MYO16: variants seen among roughly 807,000 people sequenced by gnomAD.
MYO16 encodes myosin XVI, also known as unconventional myosin-XVI.
MYO16 carries 94 observed loss-of-function variants against 205.3 expected under a neutral mutation model. The observed-to-expected ratio is 0.46, with a 90% CI of 0.39 to 0.54. The LOEUF is 0.54. MYO16 is among the 20% of genes least tolerant of loss of function. The pLI is 0.00. For synonymous variants in MYO16, 988 were observed against 954.0 expected, an observed-to-expected ratio of 1.04 and a Z score of -0.66; for missense variants, 2,315 against 2,387.5, an observed-to-expected ratio of 0.97 and a Z score of 0.63.
intron 23 of MYO16, among the ~76,000 whole-genome samples, chr13:109,045,893 C>G (rs1356288151): frequency 2.0e-5 from 3 of 152,208 alleles, no homozygotes; most frequent in African/African-American, 7.2e-5. Context: ...GGTTAGCCAT[C>G]CATACTACCT....
At chr13:108,699,248 T>G (rs1044484790) in intron 2 of MYO16, among the ~76,000 whole-genome samples, 4 of 151,878 alleles carry the variant, frequency 2.6e-5, no homozygotes, top group East Asian at 3.9e-4. Flanking sequence ...TTATTACGTA[T>G]GTATATATAG....
chr13:108,856,111 G>T (rs977656702), intron 11 of MYO16, among the ~76,000 whole-genome samples: 1 of 152,174 alleles, frequency 6.6e-6, no homozygotes, highest in Non-Finnish European at 1.5e-5. Context: ...ATTTACTGCG[G>T]TTCTATCGTT....
intron 24 of MYO16, among the ~76,000 whole-genome samples, 184 bp from the exon 25 acceptor site, chr13:109,052,116 T>C (rs1002582183): frequency 6.6e-6 from 1 of 152,074 alleles, no homozygotes; most frequent in Non-Finnish European, 1.5e-5. Flanking sequence ...AATTTGTCAA[T>C]GATATTAAAT....
At chr13:108,584,056 C>T in the MYO16 span, among the ~76,000 whole-genome samples, 1 of 152,118 alleles carries the variant, frequency 6.6e-6, no homozygotes, top group Non-Finnish European at 1.5e-5. Context: ...CAGGTTCATG[C>T]CATTCTCCAG....
At chr13:108,580,068 G>A in the MYO16 span, among the ~76,000 whole-genome samples, 1 of 152,080 alleles carries the variant, frequency 6.6e-6, no homozygotes, top group African/African-American at 2.4e-5. Context: ...ATAAATCAAT[G>A]TTTGATACTT....
At chr13:108,820,211 C>T in intron 7 of MYO16, 126 bp from the exon 8 acceptor site, 1 of 628,984 alleles carries the variant, frequency 1.6e-6, no homozygotes, top group Non-Finnish European at 2.8e-6. Context: ...ACAGGAAGGA[C>T]TTCTGAGTGG....
At chr13:108,548,590 G>A in the MYO16 span, among the ~76,000 whole-genome samples, 2 of 151,936 alleles carry the variant, frequency 1.3e-5, no homozygotes, top group African/African-American at 4.8e-5. Flanking sequence ...TGGTGGTGGT[G>A]GTGGTGATAG....
chr13:108,671,483 A>G (rs748553782), intron 2 of MYO16, among the ~76,000 whole-genome samples: 5 of 152,202 alleles, frequency 3.3e-5, no homozygotes, highest in Non-Finnish European at 7.3e-5. Context: ...TTCCATTACT[A>G]ATGGAAGCAG....
At chr13:108,739,497 G>A (rs138623552) in intron 4 of MYO16, among the ~76,000 whole-genome samples, 5,502 of 152,258 alleles carry the variant, frequency 0.036, 304 homozygotes, top group African/African-American at 0.12. Context: ...AGTTTCTGCC[G>A]AGAGATGTGC....
At chr13:109,204,189 T>G (rs1880511983) in intron 34 of MYO16, among the ~76,000 whole-genome samples, 1 of 152,230 alleles carries the variant, frequency 6.6e-6, no homozygotes, top group African/African-American at 2.4e-5. Flanking sequence ...TCTCCAGAAG[T>G]GAACGTTCCT....
chr13:108,663,364 A>C (rs1241907647), intron 1 of MYO16, among the ~76,000 whole-genome samples: 1 of 151,866 alleles, frequency 6.6e-6, no homozygotes, highest in Non-Finnish European at 1.5e-5. Flanking sequence ...CGATTCATAG[A>C]CATATACGTA....
At chr13:108,849,385 T>C (rs1287785633) in intron 10 of MYO16, among the ~76,000 whole-genome samples, 1 of 152,142 alleles carries the variant, frequency 6.6e-6, no homozygotes, top group Non-Finnish European at 1.5e-5. Flanking sequence ...GAGACAGGGT[T>C]TCACCACGTT....
At chr13:108,635,660 T>G (rs1032765171) in intron 1 of MYO16, among the ~76,000 whole-genome samples, 3 of 151,734 alleles carry the variant, frequency 2.0e-5, no homozygotes, top group African/African-American at 7.3e-5. Context: ...GCCACCACAC[T>G]CGGCTAATTT....
rs534343436 is a variant in MYO16 at position 109,198,908 on chromosome 13, G to A, written c.5416-7701G>A. ...CCATCCCAGGCATTCCGGCTCCAGA[G>A]GCCAGGTTTTTCAGCCACACTGACT... On this transcript the variant is annotated intron_variant, in intron 34 of 34. Coordinates refer to ENST00000457511, the MANE Select transcript of MYO16 (RefSeq NM_001198950.3). Among the ~76,000 whole-genome samples the A allele has an allele frequency of 2.0e-5, 3 of 152,100 alleles. No homozygotes were observed. In the South Asian group the frequency reaches 6.2e-4, roughly 32 times the overall value.
intron 1 of MYO16, among the ~76,000 whole-genome samples, chr13:108,608,493 T>A (rs1879045262): frequency 6.6e-6 from 1 of 152,174 alleles, no homozygotes; most frequent in Admixed American, 6.6e-5. Flanking sequence ...TTCCTGTTCT[T>A]CTCTTTCATC....
chr13:108,688,928 A>G (rs1374826458), intron 2 of MYO16, among the ~76,000 whole-genome samples: 5 of 152,222 alleles, frequency 3.3e-5, no homozygotes, highest in Admixed American at 6.5e-5. Flanking sequence ...TGGAGTTAGT[A>G]CTGGCTCATG....
chr13:108,795,155 TGTTATA>T (rs1886746253), intron 6 of MYO16, among the ~76,000 whole-genome samples: 1 of 151,514 alleles, frequency 6.6e-6, no homozygotes, highest in Admixed American at 6.6e-5. Context: ...AACTTCAAAA[TGTTATA>T]GTTGTATAGG....
chr13:108,648,495 C>T (rs189602591), intron 1 of MYO16, among the ~76,000 whole-genome samples: 19 of 152,126 alleles, frequency 1.2e-4, no homozygotes, highest in African/African-American at 7.2e-5. Flanking sequence ...TTGTTGTTCT[C>T]ATTATAAGCA....
intron 20 of MYO16, among the ~76,000 whole-genome samples, chr13:108,984,113 T>C (rs1884546266): frequency 6.6e-6 from 1 of 152,194 alleles, no homozygotes; most frequent in Non-Finnish European, 1.5e-5. Context: ...TTTCTGCAAA[T>C]GGATTCTCAC....
Sources: allele counts gnomAD v4.1 joint callset (sites outside exome capture counted in the v4.1 genomes callset), GRCh38; gene constraint gnomAD v4.1.1; transcripts MANE v1.5; gene names NCBI Gene and HGNC (gene_info 2026-07-23, HGNC 2026-07-21).